Variants in PHACTR2 observed in about 807,000 individuals in gnomAD.
The protein encoded by PHACTR2 is phosphatase and actin regulator 2.
In PHACTR2, 30 loss-of-function variants were observed where a neutral mutation model predicts 76.0. The observed-to-expected ratio is 0.39, with a 90% CI of 0.30 to 0.54. The LOEUF is 0.54. Among genes scored for constraint, PHACTR2 ranks in the 20% least tolerant of loss-of-function variants. The probability of loss-of-function intolerance (pLI) is 0.61; values close to 1 mark genes in which losing one functional copy is unlikely to be tolerated. For synonymous variants in PHACTR2, 292 were observed against 292.5 expected, an observed-to-expected ratio of 1.00 and a Z score of 0.02; for missense variants, 696 against 781.1, an observed-to-expected ratio of 0.89 and a Z score of 1.30.
At chr6:143,636,717 T>C (rs1378740812) in intron 1 of PHACTR2, among the ~76,000 whole-genome samples, 3 of 152,242 alleles carry the variant, frequency 2.0e-5, no homozygotes, top group Admixed American at 6.5e-5. Flanking sequence ...GATTTTGCCA[T>C]GAACAATGAA....
At chr6:143,582,310 A>AGTGAGT (rs1775585055) in intron 1 of PHACTR2, among the ~76,000 whole-genome samples, 1 of 152,154 alleles carries the variant, frequency 6.6e-6, no homozygotes, top group East Asian at 1.9e-4. Context: ...ACCCTAGGAA[A>AGTGAGT]CACGCCACTA....
rs1462428144 is a variant in PHACTR2 at position 143,602,216 on chromosome 6, T to G, written c.217+65009T>G. Among the ~76,000 whole-genome samples the G allele has an allele frequency of 1.3e-5, 2 of 152,208 alleles. No homozygotes were observed. The highest frequency in any genetic ancestry group is 2.9e-5 in the Non-Finnish European group (2 of 68,040). ...ACCTTGTCCCTCTAACCTTCCCATCTAGTCAGGTTTTCTAATGACATCTTG... is the reference window on the plus strand; with the variant it reads ...ACCTTGTCCCTCTAACCTTCCCATCGAGTCAGGTTTTCTAATGACATCTTG... On this transcript the variant is annotated intron_variant, in intron 1 of 11. Transcript: ENST00000367584. This position sits in a 1 kb window ranked among gnomAD's most constrained non-coding sequence, Gnocchi z 6.1.
intron 1 of PHACTR2, among the ~76,000 whole-genome samples, chr6:143,670,693 C>A (rs1290650921): frequency 8.5e-5 from 13 of 152,110 alleles, no homozygotes; most frequent in Admixed American, 8.5e-4. Context: ...TGAGCTCCAT[C>A]AGGTCATTTA....
chr6:143,715,959 A>G (rs1778291541), intron 2 of PHACTR2, among the ~76,000 whole-genome samples: 1 of 152,196 alleles, frequency 6.6e-6, no homozygotes, highest in African/African-American at 2.4e-5. Context: ...AGTGCAACGT[A>G]GCTTTTTTGC....
In PHACTR2 at chr6:143,639,176, A is replaced by G. The variant is rs1212619954; in HGVS notation, c.13+30854A>G. Among the ~76,000 whole-genome samples the G allele has an allele frequency of 1.3e-5, 2 of 152,250 alleles. No individual in the cohort carries two copies. Among genetic ancestry groups the G allele is most frequent in the African/African-American group, 2.4e-5 (1 of 41,460 alleles). Reference sequence around the variant, plus strand: ...TGAATCATTACATCTTTCTGCTTTCATGAGCCACCAATGACATGCTTCATA... The same window carrying G: ...TGAATCATTACATCTTTCTGCTTTCGTGAGCCACCAATGACATGCTTCATA... On this transcript the variant is annotated intron_variant, in intron 1 of 11. Coordinates refer to the PHACTR2 transcript ENST00000305766. This position sits in a 1 kb window ranked among gnomAD's most constrained non-coding sequence, Gnocchi z 5.0.
rs764703736 is a variant in PHACTR2 at position 143,678,941 on chromosome 6, TA to T, written c.46+746del. ...TGGCATTTCCCCGACAGTGTAGGGA[TA>T]AAAAAAAAAAAAACTGTTTGGTGGT... On this transcript the variant is annotated intron_variant, in intron 1 of 12. Coordinates refer to ENST00000440869, the MANE Select transcript of PHACTR2 (RefSeq NM_001100164.2). The surrounding 1 kb of genome is among the most constrained non-coding windows in gnomAD (Gnocchi z 6.2). 7.3e-3 allele frequency among the ~76,000 whole-genome samples: 984 copies of T among 134,296 alleles called. 10 individuals carry two copies. The highest frequency in any genetic ancestry group is 0.02 in the South Asian group (85 of 4,188). 88.1% of individuals were successfully genotyped at this position (134,296 alleles called of 152,430 possible).
chr6:143,637,879 C>A (rs1776489774), intron 1 of PHACTR2, among the ~76,000 whole-genome samples: 2 of 152,216 alleles, frequency 1.3e-5, no homozygotes, highest in Non-Finnish European at 2.9e-5. Context: ...ATCCCGTCAC[C>A]TTTGCTATGT....
intron 2 of PHACTR2, among the ~76,000 whole-genome samples, chr6:143,741,921 G>A (rs1049263294): frequency 2.0e-5 from 3 of 152,052 alleles, no homozygotes; most frequent in African/African-American, 7.2e-5. Context: ...GGCCAACGTG[G>A]TGAAACCCCA....
In PHACTR2 at chr6:143,780,654, C is replaced by T. The variant is rs1007008485; in HGVS notation, c.1646-2565C>T. On this transcript the variant is annotated intron_variant, in intron 9 of 12. Coordinates refer to ENST00000440869, the MANE Select transcript of PHACTR2 (RefSeq NM_001100164.2). This position sits in a 1 kb window ranked among gnomAD's most constrained non-coding sequence, Gnocchi z 4.4. ...TCTCTGGGTAACATTGCTCGCTAGG[C>T]GGGTTTCCTGTGGTGCTTGCTGCTG... Among the ~76,000 whole-genome samples, 3 of 152,110 alleles carry T rather than the reference C, an allele frequency of 2.0e-5. No homozygotes were observed. Among genetic ancestry groups the T allele is most frequent in the Non-Finnish European group, 2.9e-5 (2 of 68,018 alleles).
chr6:143,615,957 A>G (rs1241520344), intron 1 of PHACTR2, among the ~76,000 whole-genome samples: 2 of 152,202 alleles, frequency 1.3e-5, no homozygotes, highest in Admixed American at 6.5e-5. Flanking sequence ...ACAAGATTTG[A>G]CAAACACACA....
rs1776406141 is a variant in PHACTR2, at chr6:143,820,941, C to A, written c.1923-2733C>A. Among the ~76,000 whole-genome samples the A allele has an allele frequency of 1.3e-5, 2 of 152,240 alleles. No individual in the cohort carries two copies. The highest frequency in any genetic ancestry group is 4.1e-4 in the South Asian group (2 of 4,830). ...CTTTTGCATTCTGTGCATCTGCAGGCTTAACATCATGTAGAAGCTGTCAAG... is the reference window on the plus strand; with the variant it reads ...CTTTTGCATTCTGTGCATCTGCAGGATTAACATCATGTAGAAGCTGTCAAG... On this transcript the variant is annotated intron_variant, in intron 12 of 12. Transcript: ENST00000440869. This position sits in a 1 kb window ranked among gnomAD's most constrained non-coding sequence, Gnocchi z 4.2.
rs1302228537 is a variant in PHACTR2 at position 143,698,603 on chromosome 6, C to T, written c.47-13413C>T. ...GGAGGCCATCTTGTGCTATGTCTGC[C>T]GTGGGAACTAATGCCACAGTACCAC... is the stretch of plus-strand genomic sequence containing the variant. On this transcript the variant is annotated intron_variant, in intron 1 of 12. Transcript: ENST00000440869. The surrounding 1 kb of genome is among the most constrained non-coding windows in gnomAD (Gnocchi z 4.3). Among the ~76,000 whole-genome samples, 3 of 152,164 alleles carry T rather than the reference C, an allele frequency of 2.0e-5. No individual in the cohort carries two copies. The highest frequency in any genetic ancestry group is 4.4e-5 in the Non-Finnish European group (3 of 68,030).
rs930094317 is a variant in PHACTR2, at chr6:143,684,195, C to T, written c.46+5986C>T. ...ATATGCAACTCCCTATTTGACAGGT[C>T]TGCTTGAAAACTTGCTGGGCATCCC... is the stretch of plus-strand genomic sequence containing the variant. On this transcript the variant is annotated intron_variant, in intron 1 of 12. Coordinates refer to ENST00000440869, the MANE Select transcript of PHACTR2 (RefSeq NM_001100164.2). This position sits in a 1 kb window ranked among gnomAD's most constrained non-coding sequence, Gnocchi z 4.3. Among the ~76,000 whole-genome samples, 3 of 152,106 alleles carry T rather than the reference C, an allele frequency of 2.0e-5. No individual in the cohort carries two copies. Among genetic ancestry groups the T allele is most frequent in the Non-Finnish European group, 4.4e-5 (3 of 68,006 alleles).
Position 143,765,981 on chromosome 6 carries a change from G to A in PHACTR2, c.1232+183G>A, listed in dbSNP as rs1779555385. ...TGCCCTGGGAATGCCTAGGGCTGCTGGAGAAAATTACATTGGTAGAGCTGA... is the reference window on the plus strand; with the variant it reads ...TGCCCTGGGAATGCCTAGGGCTGCTAGAGAAAATTACATTGGTAGAGCTGA... On this transcript the variant is annotated intron_variant, in intron 6 of 12. Coordinates refer to ENST00000440869, the MANE Select transcript of PHACTR2 (RefSeq NM_001100164.2). The surrounding 1 kb of genome is among the most constrained non-coding windows in gnomAD (Gnocchi z 4.1). Among the ~76,000 whole-genome samples, 1 of 152,166 alleles carries A rather than the reference G, an allele frequency of 6.6e-6. No individual in the cohort carries two copies. Among genetic ancestry groups the A allele is most frequent in the Admixed American group, 6.5e-5 (1 of 15,272 alleles).
chr6:143,670,555 T>C (rs1223980070), intron 1 of PHACTR2, among the ~76,000 whole-genome samples: 4 of 152,192 alleles, frequency 2.6e-5, no homozygotes, highest in Non-Finnish European at 4.4e-5. Context: ...TTATTCTTTT[T>C]TTTCTAATCT....
At chr6:143,674,693 T>G (rs1347600345), upstream of PHACTR2, among the ~76,000 whole-genome samples, 2 of 152,162 alleles carry the variant, frequency 1.3e-5, no homozygotes, top group Non-Finnish European at 2.9e-5. The surrounding 1 kb of genome is among the most constrained non-coding windows in gnomAD (Gnocchi z 4.9). Flanking sequence ...TGGCAGCATC[T>G]GGACAAGGCA....
chr6:143,824,750 A>G lies in PHACTR2; in HGVS notation c.*1061A>G, dbSNP rs184748346. On this transcript the variant is annotated 3_prime_UTR_variant, in exon 13 of 13. Coordinates refer to ENST00000440869, the MANE Select transcript of PHACTR2 (RefSeq NM_001100164.2). This position sits in a 1 kb window ranked among gnomAD's most constrained non-coding sequence, Gnocchi z 6.3. The stretch of plus-strand genomic sequence containing the variant: ...GGACTAGTTATTTTTTTAGTGCTGC[A>G]TTTTTTTAAAGTTGGATTGCTGCTA... 1 of 152,302 alleles carries G rather than the reference A, an allele frequency of 6.6e-6. No homozygotes were observed. Among genetic ancestry groups the G allele is most frequent in the African/African-American group, 2.4e-5 (1 of 41,426 alleles). 9.4% of individuals were successfully genotyped at this position (152,302 alleles called of 1,614,324 possible).
intron 1 of PHACTR2, among the ~76,000 whole-genome samples, chr6:143,576,875 C>CAAAAA (rs35937662): frequency 4.4e-4 from 45 of 102,542 alleles, no homozygotes; most frequent in African/African-American, 1.3e-3. Context: ...GACTCTGTCT[C>CAAAAA]AAAAAAAAAA....
In PHACTR2 at chr6:143,589,564, C is replaced by T. The variant is rs1312249230; in HGVS notation, c.217+52357C>T. 6.6e-5 allele frequency among the ~76,000 whole-genome samples: 10 copies of T among 152,122 alleles called. No individual in the cohort carries two copies. The highest frequency in any genetic ancestry group is 2.1e-4 in the South Asian group (1 of 4,820). ...TGCGAGAACAGACTGATACAACTGC[C>T]GTCTTGTATCCTCAGGTGGTCTTTT... On this transcript the variant is annotated intron_variant, in intron 1 of 11. Transcript: ENST00000367584. This position sits in a 1 kb window ranked among gnomAD's most constrained non-coding sequence, Gnocchi z 4.4.
Sources: gnomAD v4.1 joint callset for allele counts (sites outside exome capture counted in the v4.1 genomes callset) on GRCh38, gnomAD v4.1.1 for gene constraint, Gnocchi (gnomAD v3.1) non-coding constraint, MANE v1.5 for transcripts, NCBI Gene and HGNC (gene_info 2026-07-23, HGNC 2026-07-21) for gene names.